Variants in CISTR observed in about 807,000 individuals in gnomAD.
CISTR encodes the protein chondrogenesis-associated transcript.
chr12:53,748,231 C>G (rs967468969), intron 2 of CISTR, among the ~76,000 whole-genome samples: 1 of 152,180 alleles, frequency 6.6e-6, no homozygotes, highest in African/African-American at 2.4e-5. Context: ...GAGGCTGCAC[C>G]GCGGGCCGTC....
chr12:53,751,288 TC>T lies in CISTR; in HGVS notation n.415-324del, dbSNP rs1051896109. On this transcript the variant is annotated intron_variant and non_coding_transcript_variant, in intron 1 of 2. Coordinates refer to ENST00000669269, the Ensembl canonical transcript of CISTR. This position sits in a 1 kb window ranked among gnomAD's most constrained non-coding sequence, Gnocchi z 4.6. ...CTGCAGGGGTTGGGGGCGCTGGGGC[TC>T]GGGGCGCTCACTCGGACCTCGGAGC... Among the ~76,000 whole-genome samples, 1 of 151,950 alleles carries T rather than the reference TC, an allele frequency of 6.6e-6. No homozygotes were observed. The highest frequency in any genetic ancestry group is 2.4e-5 in the African/African-American group (1 of 41,376).
rs141040693 is a variant in CISTR, at chr12:53,748,259, G to T, written n.1064-1411C>A. Among the ~76,000 whole-genome samples, 818 of 152,328 alleles carry T rather than the reference G, an allele frequency of 5.4e-3. 15 individuals carry two copies. The highest frequency in any genetic ancestry group is 0.019 in the African/African-American group (786 of 41,562). ...GGGCCGTCAATCTTCCACACAAAGG[G>T]CCGCCCGCCCTCTTCCCTCTCCAAG... is the stretch of plus-strand genomic sequence containing the variant. On this transcript the variant is annotated intron_variant and non_coding_transcript_variant, in intron 2 of 2. Coordinates refer to ENST00000669269, the Ensembl canonical transcript of CISTR.
Position 53,752,782 on chromosome 12 carries a change from G to A in CISTR, n.415-1817C>T, listed in dbSNP as rs150915919. 2.8e-3 allele frequency among the ~76,000 whole-genome samples: 424 copies of A among 152,338 alleles called. 2 individuals are homozygous for A. Among genetic ancestry groups the A allele is most frequent in the Admixed American group, 6.7e-3 (102 of 15,296 alleles). On this transcript the variant is annotated intron_variant and non_coding_transcript_variant, in intron 1 of 2. Transcript: ENST00000669269. ...GTGCTGCTGAGTGTGTACAAGAAGG[G>A]AGGACCGGGATTGGACTGAACTGCA...
intron 1 of CISTR, among the ~76,000 whole-genome samples, chr12:53,752,206 T>C (rs1331692348): frequency 3.3e-5 from 5 of 152,214 alleles, no homozygotes; most frequent in Non-Finnish European, 5.9e-5. Flanking sequence ...CCTCTGTCTC[T>C]TTCTGCCTGG....
rs1481744325 is a variant in CISTR at position 53,751,325 on chromosome 12, A to C, written n.415-360T>G. On this transcript the variant is annotated intron_variant and non_coding_transcript_variant, in intron 1 of 2. Transcript: ENST00000669269. The surrounding 1 kb of genome is among the most constrained non-coding windows in gnomAD (Gnocchi z 4.6). ...CTCGGACCTCGGAGCCAATCGCCAG[A>C]GATCTAATGGCTCCTTTGGCAGTGG... is the stretch of plus-strand genomic sequence containing the variant. Among the ~76,000 whole-genome samples the C allele has an allele frequency of 2.0e-5, 3 of 151,978 alleles. No individual in the cohort carries two copies. Among genetic ancestry groups the C allele is most frequent in the Non-Finnish European group, 4.4e-5 (3 of 67,988 alleles).
chr12:53,751,244 C>T lies in CISTR; in HGVS notation n.415-279G>A, dbSNP rs1039214094. ...CCTCCTCTGAGCCCTGCGGCCCGGC[C>T]TTCCGCACCTCCCAACGCCTGCAGG... On this transcript the variant is annotated intron_variant and non_coding_transcript_variant, in intron 1 of 2. Coordinates refer to ENST00000669269, the Ensembl canonical transcript of CISTR. This position sits in a 1 kb window ranked among gnomAD's most constrained non-coding sequence, Gnocchi z 4.6. Among the ~76,000 whole-genome samples the T allele has an allele frequency of 6.6e-6, 1 of 152,208 alleles. No individual in the cohort carries two copies. The highest frequency in any genetic ancestry group is 1.5e-5 in the Non-Finnish European group (1 of 68,034).
At chr12:53,753,503 G>T (rs1279408092) in intron 1 of CISTR, among the ~76,000 whole-genome samples, 1 of 152,174 alleles carries the variant, frequency 6.6e-6, no homozygotes, top group African/African-American at 2.4e-5. Flanking sequence ...AGTCTAGGAG[G>T]GTTCCTAGAG....
chr12:53,753,089 CAG>C (rs3222078), intron 1 of CISTR, among the ~76,000 whole-genome samples: 10,085 of 80,352 alleles, frequency 0.13, 405 homozygotes, highest in African/African-American at 0.17. Flanking sequence ...CACACACACA[CAG>C]AGAGAGACAC....
chr12:53,748,984 TTGTGTG>T (rs139881232), intron 2 of CISTR, among the ~76,000 whole-genome samples: 1 of 151,380 alleles, frequency 6.6e-6, no homozygotes, highest in African/African-American at 2.4e-5. Flanking sequence ...TGTGTGTGTG[TTGTGTG>T]TGTGTGTGAG....
intron 1 of CISTR, among the ~76,000 whole-genome samples, chr12:53,752,685 C>T (rs11838092): frequency 0.02 from 2,977 of 152,212 alleles, 67 homozygotes; most frequent in African/African-American, 0.04. Context: ...ACTTTATAGG[C>T]CCCCCAAAAT....
chr12:53,748,499 G>C (rs1937807267), intron 2 of CISTR, among the ~76,000 whole-genome samples: 1 of 152,188 alleles, frequency 6.6e-6, no homozygotes, highest in Non-Finnish European at 1.5e-5. Context: ...CTGCCGAGTG[G>C]AAAGGGAAAG....
At chr12:53,748,861 C>T (rs1705399256) in intron 2 of CISTR, among the ~76,000 whole-genome samples, 1 of 151,936 alleles carries the variant, frequency 6.6e-6, no homozygotes, top group African/African-American at 2.4e-5. Flanking sequence ...TAAGAAGGGT[C>T]AGGTAGAGGT....
chr12:53,748,300 C>T (rs1403935295), intron 2 of CISTR, among the ~76,000 whole-genome samples: 2 of 152,006 alleles, frequency 1.3e-5, no homozygotes, highest in East Asian at 1.9e-4. Context: ...CGCGCCAGCG[C>T]CCCCCCAACT....
At chr12:53,747,465 GGAGAGGAA>G (rs1338501469) in intron 2 of CISTR, among the ~76,000 whole-genome samples, 1 of 152,118 alleles carries the variant, frequency 6.6e-6, no homozygotes, top group African/African-American at 2.4e-5. Context: ...GGCAAGGGAG[GGAGAGGAA>G]GAGGAAGAGG....
chr12:53,748,230 C>T (rs1215115209), intron 2 of CISTR, among the ~76,000 whole-genome samples: 2 of 152,220 alleles, frequency 1.3e-5, no homozygotes, highest in African/African-American at 4.8e-5. Context: ...GGAGGCTGCA[C>T]CGCGGGCCGT....
intron 1 of CISTR, among the ~76,000 whole-genome samples, chr12:53,753,668 GTGTGTGTGT>G: frequency 5.5e-5 from 2 of 36,552 alleles, no homozygotes; most frequent in African/African-American, 1.4e-4. Context: ...GCATAGGGGT[GTGTGTGTGT>G]GTGTGTGTGT....
chr12:53,750,173 C>G (rs1937830564), intron 2 of CISTR, among the ~76,000 whole-genome samples: 1 of 152,162 alleles, frequency 6.6e-6, no homozygotes, highest in East Asian at 1.9e-4. Flanking sequence ...CAGCAAAGAT[C>G]AACAAGTGCA....
intron 2 of CISTR, among the ~76,000 whole-genome samples, chr12:53,749,454 G>A (rs1937821547): frequency 6.6e-6 from 1 of 152,012 alleles, no homozygotes; most frequent in Admixed American, 6.6e-5. Flanking sequence ...TATCTACCTG[G>A]AGATGCTGGG....
chr12:53,752,816 G>T (rs1224783898), intron 1 of CISTR, among the ~76,000 whole-genome samples: 2 of 152,178 alleles, frequency 1.3e-5, no homozygotes, highest in African/African-American at 4.8e-5. Flanking sequence ...CAGAACAAAG[G>T]AAACCATGTG....
Sources: allele counts gnomAD v4.1 joint callset (sites outside exome capture counted in the v4.1 genomes callset), GRCh38; gene constraint gnomAD v4.1.1; non-coding constraint Gnocchi (gnomAD v3.1); transcripts MANE v1.5; gene names NCBI Gene and HGNC (gene_info 2026-07-23, HGNC 2026-07-21).